Variants in LBX2 observed in about 807,000 individuals in gnomAD.
LBX2 encodes the protein ladybird homeobox 2, also known as transcription factor LBX2.
In LBX2, 6 loss-of-function variants were observed where a neutral mutation model predicts 7.5. That is an observed-to-expected ratio of 0.80 (90% CI 0.44 to 1.59). The LOEUF (loss-of-function observed/expected upper bound fraction) is 1.59. LBX2 is among the 40% of genes most tolerant of loss of function. LBX2 has a pLI of 0.01. For synonymous variants in LBX2, 143 were observed against 133.2 expected (o/e 1.07, Z -0.51); for missense variants, 281 against 282.0 (o/e 1.00, Z 0.03).
At chr2:74,502,898 C>G, upstream of LBX2, 1 of 1,535,680 alleles carries the variant, frequency 6.5e-7, no homozygotes, top group Non-Finnish European at 8.9e-7. This position sits in a 1 kb window ranked among gnomAD's most constrained non-coding sequence, Gnocchi z 5.4. Flanking sequence ...AGAGAGGGAC[C>G]CGTCCTCCTC....
chr2:74,502,175 T>G, upstream of LBX2: 1 of 158,048 alleles, frequency 6.3e-6, no homozygotes. The surrounding 1 kb of genome is among the most constrained non-coding windows in gnomAD (Gnocchi z 5.4). Context: ...AGGCACCCCA[T>G]TCCCGCTTAA....
chr2:74,502,737 C>T, upstream of LBX2: 1 of 1,614,182 alleles, frequency 6.2e-7, no homozygotes, highest in Non-Finnish European at 8.5e-7. This position sits in a 1 kb window ranked among gnomAD's most constrained non-coding sequence, Gnocchi z 5.4. Flanking sequence ...TGCGCGCCCA[C>T]CGCCACCCTC....
rs970845848 is a variant in LBX2 at position 74,497,548 on chromosome 2, T to C, written c.*379A>G. On this transcript the variant is annotated 3_prime_UTR_variant, in exon 2 of 2. Coordinates refer to ENST00000377566, the MANE Select transcript of LBX2 (RefSeq NM_001282430.2). ...AGAGTCTCGACTTTATTCTCAAATATTGGGAAAGTAGCCTGGACAACATAG... is the reference window on the plus strand; with the variant it reads ...AGAGTCTCGACTTTATTCTCAAATACTGGGAAAGTAGCCTGGACAACATAG... 3 of 177,464 alleles carry C rather than the reference T, an allele frequency of 1.7e-5. No homozygotes were observed. The highest frequency in any genetic ancestry group is 7.1e-5 in the African/African-American group (3 of 42,192). 11.0% of individuals were successfully genotyped at this position (177,464 alleles called of 1,614,324 possible).
Position 74,497,784 on chromosome 2 carries a change from A to G in LBX2, c.*143T>C, listed in dbSNP as rs370268201. On this transcript the variant is annotated 3_prime_UTR_variant, in exon 2 of 2. Transcript: ENST00000377566. ...GACAACAAAACAAACTTACAAAAAA[A>G]CCGGGAAAGGTGAGCGTCTGGACTG... is the stretch of plus-strand genomic sequence containing the variant. 3.2e-5 allele frequency: 29 copies of G among 899,198 alleles called. No homozygotes were observed. Among genetic ancestry groups the G allele is most frequent in the African/African-American group, 2.7e-4 (16 of 58,834 alleles). 55.7% of individuals were successfully genotyped at this position (899,198 alleles called of 1,614,324 possible).
rs1674431802 is a variant in LBX2 at position 74,499,205 on chromosome 2, G to C, written c.205+128C>G. On this transcript the variant is annotated intron_variant, in intron 1 of 1. Transcript: ENST00000377566. The surrounding 1 kb of genome is among the most constrained non-coding windows in gnomAD (Gnocchi z 4.6). ...AAGTCGCAGGTGCGAGTCCTGGCAC[G>C]TGGGCTGAGGACAGGGGAGGATTAG... The C allele has an allele frequency of 3.7e-6, 3 of 814,728 alleles. No individual in the cohort carries two copies. The South Asian group carries it at 5.1e-5, about 14-fold the overall frequency. The allele number at this position is 814,728 out of a possible 1,614,324, so 50.5% of individuals were successfully genotyped here.
chr2:74,499,043 TTCTC>T lies in LBX2; in HGVS notation c.205+286_205+289del, dbSNP rs1572972912. 4.0e-6 allele frequency: 2 copies of T among 498,972 alleles called. No homozygotes were observed. Among genetic ancestry groups the T allele is most frequent in the Admixed American group, 3.6e-5 (1 of 28,126 alleles). 30.9% of individuals were successfully genotyped at this position (498,972 alleles called of 1,614,324 possible). ...CCTTTTGTCTCTTTCTCTCCTGCCTTTCTCTATCGCGATTGCCCCGCCTACAAGG... is the reference window on the plus strand; with the variant it reads ...CCTTTTGTCTCTTTCTCTCCTGCCTTTATCGCGATTGCCCCGCCTACAAGG... On this transcript the variant is annotated intron_variant, in intron 1 of 1. Transcript: ENST00000377566. The surrounding 1 kb of genome is among the most constrained non-coding windows in gnomAD (Gnocchi z 4.6).
chr2:74,502,588 C>G (rs1202549803), upstream of LBX2: 12 of 1,445,590 alleles, frequency 8.3e-6, no homozygotes, highest in East Asian at 1.4e-4. The surrounding 1 kb of genome is among the most constrained non-coding windows in gnomAD (Gnocchi z 5.4). Context: ...CCGTCCGTCC[C>G]GCACACTTCT....
chr2:74,500,281 C>T (rs1224870558), upstream of LBX2, among the ~76,000 whole-genome samples: 1 of 152,106 alleles, frequency 6.6e-6, no homozygotes, highest in Non-Finnish European at 1.5e-5. Context: ...AGACCCGGGC[C>T]GCAGGAGAGA....
chr2:74,503,012 G>T, upstream of LBX2: 1 of 645,940 alleles, frequency 1.5e-6, no homozygotes, highest in Non-Finnish European at 2.5e-6. This position sits in a 1 kb window ranked among gnomAD's most constrained non-coding sequence, Gnocchi z 5.1. Flanking sequence ...TGGCCCTCAG[G>T]CGAGAACCGA....
chr2:74,500,873 A>G (rs955598680), upstream of LBX2, among the ~76,000 whole-genome samples: 1 of 152,190 alleles, frequency 6.6e-6, no homozygotes, highest in Non-Finnish European at 1.5e-5. Context: ...GCTTTTTAAA[A>G]CAGTGTCAGG....
At position 74,497,831 on chromosome 2, in the gene LBX2, G is replaced by A; in HGVS notation, c.*96C>T. 1 of 1,331,954 alleles carries A rather than the reference G, an allele frequency of 7.5e-7. No homozygotes were observed. Among genetic ancestry groups the A allele is most frequent in the African/African-American group, 1.5e-5 (1 of 67,408 alleles). 82.5% of individuals were successfully genotyped at this position (1,331,954 alleles called of 1,614,324 possible). A position where few individuals can be genotyped will look rare whatever the true frequency, so the allele number is the denominator to read the frequency against. ...ACTGTGGGCCGGAAGAGGCCCAAGTGGACCTCCTTCCTCCACCCTGGAACT... is the reference window on the plus strand; with the variant it reads ...ACTGTGGGCCGGAAGAGGCCCAAGTAGACCTCCTTCCTCCACCCTGGAACT... On this transcript the variant is annotated 3_prime_UTR_variant, in exon 2 of 2. Coordinates refer to ENST00000377566, the MANE Select transcript of LBX2 (RefSeq NM_001282430.2).
Position 74,498,647 on chromosome 2 carries a change from G to A in LBX2, c.206-329C>T, listed in dbSNP as rs1338585617. The A allele has an allele frequency of 8.1e-6, 3 of 368,772 alleles. No individual in the cohort carries two copies. In the Admixed American group the frequency reaches 1.3e-4, roughly 16 times the overall value. The allele number at this position is 368,772 out of a possible 1,614,324, so 22.8% of individuals were successfully genotyped here. ...CCTTTGAGGCTTTTAGGAGCCTCAG[G>A]CTGAGCAGGCTATAAGTTGAGGGTG... On this transcript the variant is annotated intron_variant, in intron 1 of 1. Coordinates refer to ENST00000377566, the MANE Select transcript of LBX2 (RefSeq NM_001282430.2).
chr2:74,499,560 C>A lies in LBX2; in HGVS notation c.-23G>T, dbSNP rs113126054. On this transcript the variant is annotated 5_prime_UTR_variant, in exon 1 of 2. Transcript: ENST00000377566. This position sits in a 1 kb window ranked among gnomAD's most constrained non-coding sequence, Gnocchi z 4.6. ...CATGGTCGGCCGGGCTGGGGCGGTC[C>A]GGCTGTCCGTTGCGCTAGGCTCCGC... The A allele has an allele frequency of 3.9e-6, 6 of 1,540,190 alleles. No individual in the cohort carries two copies. In the East Asian group the frequency reaches 7.4e-5, roughly 19 times the overall value.
At chr2:74,498,414 G>C in intron 1 of LBX2, 96 bp from the exon 2 acceptor site, 2 of 904,804 alleles carry the variant, frequency 2.2e-6, no homozygotes, top group Non-Finnish European at 3.2e-6. Context: ...GTGGCGGTGG[G>C]GGAAGTAGAG....
chr2:74,501,947 C>T (rs1474990276), upstream of LBX2: 1 of 152,018 alleles, frequency 6.6e-6, no homozygotes, highest in Non-Finnish European at 1.5e-5. Context: ...CCTCTTCCCA[C>T]CCGCGGGTAG....
Position 74,499,189 on chromosome 2 carries a change from G to A in LBX2, c.205+144C>T, listed in dbSNP as rs1674430632. Reference sequence around the variant, plus strand: ...ACGGAGGAGAGGTGAGAAGTCGCAGGTGCGAGTCCTGGCACGTGGGCTGAG... The same window carrying A: ...ACGGAGGAGAGGTGAGAAGTCGCAGATGCGAGTCCTGGCACGTGGGCTGAG... On this transcript the variant is annotated intron_variant, in intron 1 of 1. Transcript: ENST00000377566. This position sits in a 1 kb window ranked among gnomAD's most constrained non-coding sequence, Gnocchi z 4.6. 4.1e-6 allele frequency: 3 copies of A among 726,652 alleles called. No homozygotes were observed. Among genetic ancestry groups the A allele is most frequent in the Non-Finnish European group, 6.9e-6 (3 of 435,896 alleles). 45.0% of individuals were successfully genotyped at this position (726,652 alleles called of 1,614,324 possible).
upstream of LBX2, chr2:74,502,457 A>G (rs1462675289): frequency 1.7e-6 from 1 of 588,018 alleles, no homozygotes. The surrounding 1 kb of genome is among the most constrained non-coding windows in gnomAD (Gnocchi z 5.4). Context: ...GGACAAGGAC[A>G]ATCTCAGCGA....
At chr2:74,503,032 C>T (rs1165468818), upstream of LBX2, 9 of 588,990 alleles carry the variant, frequency 1.5e-5, no homozygotes, top group Non-Finnish European at 2.3e-5. This position sits in a 1 kb window ranked among gnomAD's most constrained non-coding sequence, Gnocchi z 5.1. Context: ...ACGCCTTGTC[C>T]CGGAAGCGCA....
At position 74,498,017 on chromosome 2, in the gene LBX2, T is replaced by C. The variant is rs6546908; in HGVS notation, c.507A>G (p.Glu169=). The part of the protein sequence containing the change: ...PEVLCSLALP[E]GAPDPGLCLG... ...GGCAGAGGCCGGGATCTGGAGCGCC[T>C]TCGGGCAGTGCTAAGCTGCACAGGA... Residue 169 remains glutamate (E), a synonymous_variant, in exon 2 of 2, where the codon GAA becomes GAG. Transcript: ENST00000377566. The C allele has an allele frequency of 0.93, 1,500,317 of 1,612,368 alleles. 698,443 individuals are homozygous for C. The highest frequency in any genetic ancestry group is 1 in the East Asian group (44,796 of 44,804).
Sources: gnomAD v4.1 joint callset for allele counts (sites outside exome capture counted in the v4.1 genomes callset) on GRCh38, gnomAD v4.1.1 for gene constraint, Gnocchi (gnomAD v3.1) non-coding constraint, MANE v1.5 for transcripts, NCBI Gene and HGNC (gene_info 2026-07-23, HGNC 2026-07-21) for gene names.